The following DGKB variants were observed in gnomAD, a reference collection of about 807,000 sequenced individuals.
DGKB encodes the protein 90 kDa diacylglycerol kinase.
DGKB carries 67 observed loss-of-function variants against 114.3 expected under a neutral mutation model. The observed-to-expected ratio is 0.59, with a 90% CI of 0.48 to 0.72. DGKB has a LOEUF of 0.72. Among genes scored for constraint, DGKB ranks in the 30% least tolerant of loss-of-function variants. The probability of loss-of-function intolerance (pLI) is 0.00; values close to 1 mark genes in which losing one functional copy is unlikely to be tolerated. For synonymous variants in DGKB, 398 were observed against 323.1 expected (o/e 1.23, Z -2.49); for missense variants, 907 against 975.2 (o/e 0.93, Z 0.93).
Position 14,392,464 on chromosome 7 carries a change from G to C in DGKB, c.1836-47073C>G, listed in dbSNP as rs73265857. Among the ~76,000 whole-genome samples the C allele has an allele frequency of 9.3e-3, 1,418 of 152,178 alleles. 24 individuals are homozygous for C. Among genetic ancestry groups the C allele is most frequent in the African/African-American group, 0.033 (1,360 of 41,510 alleles). ...CCTCATAATTATCAGTGAATGGAAC[G>C]TACTATTTATTCAACACATGATTGT... On this transcript the variant is annotated intron_variant, in intron 21 of 25. Coordinates refer to ENST00000402815, the MANE Select transcript of DGKB (RefSeq NM_001350709.2).
intron 1 of DGKB, among the ~76,000 whole-genome samples, chr7:14,861,264 A>G (rs1260767482): frequency 2.0e-5 from 3 of 151,992 alleles, no homozygotes; most frequent in African/African-American, 7.2e-5. Flanking sequence ...CTGCTCAGTT[A>G]TATGTTCAAA....
Position 14,342,692 on chromosome 7 carries a change from C to T in DGKB, c.1926+2609G>A, listed in dbSNP as rs527842095. ...CTCTGCAATGGAGATATAACAGTAT[C>T]ATAAGGTTTTGATAAAGACTAAATC... On this transcript the variant is annotated intron_variant, in intron 22 of 25. Coordinates refer to ENST00000402815, the MANE Select transcript of DGKB (RefSeq NM_001350709.2). Among the ~76,000 whole-genome samples, 27 of 151,894 alleles carry T rather than the reference C, an allele frequency of 1.8e-4. No homozygotes were observed. In the South Asian group the frequency reaches 3.7e-3, roughly 21 times the overall value.
rs140046584 is a variant in DGKB at position 14,638,994 on chromosome 7, C to T, written c.1135-8726G>A. Among the ~76,000 whole-genome samples, 976 of 152,058 alleles carry T rather than the reference C, an allele frequency of 6.4e-3. 14 individuals carry two copies. Among genetic ancestry groups the T allele is most frequent in the African/African-American group, 0.023 (938 of 41,488 alleles). ...TGGAGGTTGCAGTGAGCTGAGATCA[C>T]GCCACTGCACTGCAGCCTGGGCAAC... is the stretch of plus-strand genomic sequence containing the variant. On this transcript the variant is annotated intron_variant, in intron 13 of 25. Transcript: ENST00000402815.
chr7:14,373,352 G>C (rs1396448332), intron 21 of DGKB, among the ~76,000 whole-genome samples: 1 of 152,046 alleles, frequency 6.6e-6, no homozygotes. Context: ...CTTCAGAAAG[G>C]AACCACATTT....
At chr7:14,505,142 T>C (rs1786830548) in intron 20 of DGKB, among the ~76,000 whole-genome samples, 1 of 152,146 alleles carries the variant, frequency 6.6e-6, no homozygotes. Flanking sequence ...TAAGAACATG[T>C]TTTGTCTTGT....
intron 21 of DGKB, among the ~76,000 whole-genome samples, chr7:14,464,995 CA>C (rs1464470764): frequency 6.6e-6 from 1 of 152,130 alleles, no homozygotes; most frequent in African/African-American, 2.4e-5. Context: ...GTAGCAGCGA[CA>C]GGGGCGACTC....
chr7:14,828,263 A>G (rs1845959903), intron 2 of DGKB, among the ~76,000 whole-genome samples: 2 of 152,100 alleles, frequency 1.3e-5, no homozygotes, highest in South Asian at 4.1e-4. Flanking sequence ...GCTCTGCCCG[A>G]CAACATAAAT....
At chr7:14,452,005 T>G (rs1352273621) in intron 21 of DGKB, among the ~76,000 whole-genome samples, 1 of 152,180 alleles carries the variant, frequency 6.6e-6, no homozygotes, top group African/African-American at 2.4e-5. Context: ...AGAGAATTTT[T>G]GACTCTTTTC....
At chr7:14,524,255 G>A (rs1325801583) in intron 20 of DGKB, among the ~76,000 whole-genome samples, 2 of 152,108 alleles carry the variant, frequency 1.3e-5, no homozygotes, top group Admixed American at 6.5e-5. Context: ...CTGGAAAAGA[G>A]TATTCATAAG....
chr7:14,529,505 A>T (rs1465770687), intron 20 of DGKB, among the ~76,000 whole-genome samples: 3 of 151,876 alleles, frequency 2.0e-5, no homozygotes, highest in African/African-American at 7.2e-5. Flanking sequence ...TTATAATAAT[A>T]TTTTGTACAT....
upstream of DGKB, among the ~76,000 whole-genome samples, chr7:14,906,863 C>T (rs1783737951): frequency 6.6e-6 from 1 of 152,150 alleles, no homozygotes; most frequent in East Asian, 1.9e-4. Flanking sequence ...ATCTGCAAAG[C>T]ATTGGGAAAA....
chr7:14,224,431 T>C (rs1004176714), intron 23 of DGKB, among the ~76,000 whole-genome samples: 8 of 152,126 alleles, frequency 5.3e-5, no homozygotes, highest in Non-Finnish European at 2.9e-5. Context: ...GATTTCTTAC[T>C]TCTGTGTACT....
At chr7:14,258,161 A>C (rs1372948572) in intron 23 of DGKB, among the ~76,000 whole-genome samples, 1 of 152,228 alleles carries the variant, frequency 6.6e-6, no homozygotes, top group Non-Finnish European at 1.5e-5. Context: ...AAAGGGATTA[A>C]TATAAGTTTT....
chr7:14,341,691 G>C (rs1218818709), intron 22 of DGKB, among the ~76,000 whole-genome samples: 3 of 151,828 alleles, frequency 2.0e-5, no homozygotes, highest in African/African-American at 7.2e-5. Flanking sequence ...AAAGAAGACG[G>C]TTTCAATTTT....
At chr7:14,665,602 A>T (rs1817894047) in intron 13 of DGKB, among the ~76,000 whole-genome samples, 1 of 152,040 alleles carries the variant, frequency 6.6e-6, no homozygotes, top group African/African-American at 2.4e-5. Context: ...CATGGAGGTG[A>T]ATACAACAGA....
intron 23 of DGKB, among the ~76,000 whole-genome samples, chr7:14,232,740 T>C (rs1025233989): frequency 1.3e-5 from 2 of 152,032 alleles, no homozygotes; most frequent in African/African-American, 4.8e-5. Flanking sequence ...ATATTTAGTG[T>C]AAAGTGTTTT....
chr7:14,957,737 G>C (rs973802358), intron 1 of DGKB, among the ~76,000 whole-genome samples: 1 of 151,674 alleles, frequency 6.6e-6, no homozygotes, highest in Non-Finnish European at 1.5e-5. Flanking sequence ...ATTACCATTT[G>C]TATTTATTAC....
intron 2 of DGKB, among the ~76,000 whole-genome samples, chr7:14,817,342 T>C (rs138581899): frequency 1.4e-4 from 22 of 152,310 alleles, no homozygotes; most frequent in Admixed American, 3.9e-4. Flanking sequence ...AGAATAAGAA[T>C]TGATTGGCAA....
chr7:14,254,234 C>T (rs541993569), intron 23 of DGKB, among the ~76,000 whole-genome samples: 9 of 152,246 alleles, frequency 5.9e-5, no homozygotes, highest in South Asian at 2.1e-4. Context: ...TTGCTACATC[C>T]GGAAGAGATT....
Sources: allele counts gnomAD v4.1 joint callset (sites outside exome capture counted in the v4.1 genomes callset), GRCh38; gene constraint gnomAD v4.1.1; transcripts MANE v1.5; gene names NCBI Gene and HGNC (gene_info 2026-07-23, HGNC 2026-07-21).